Variants in KLHL32 observed in about 807,000 individuals in gnomAD.
KLHL32 encodes the protein kelch-like protein 32.
In KLHL32, 35 loss-of-function variants were observed where a neutral mutation model predicts 64.8. That is an observed-to-expected ratio of 0.54 (90% CI 0.41 to 0.72). KLHL32 has a LOEUF of 0.72. Among genes scored for constraint, KLHL32 ranks in the 30% least tolerant of loss-of-function variants. The probability of loss-of-function intolerance (pLI) is 0.00; values close to 1 mark genes in which losing one functional copy is unlikely to be tolerated. For missense variants in KLHL32, 589 were observed against 768.5 expected (o/e 0.77, Z 2.76); for synonymous variants, 259 against 281.0 (o/e 0.92, Z 0.78).
At chr6:97,050,702 C>G (rs1222080676) in intron 4 of KLHL32, among the ~76,000 whole-genome samples, 1 of 152,054 alleles carries the variant, frequency 6.6e-6, no homozygotes, top group Non-Finnish European at 1.5e-5. Context: ...ACTCAGTCAC[C>G]TAATGAAAAC....
chr6:97,069,035 G>T (rs900063409), intron 5 of KLHL32, among the ~76,000 whole-genome samples: 6 of 151,962 alleles, frequency 3.9e-5, no homozygotes, highest in African/African-American at 1.2e-4. Context: ...AGAAGGGGGG[G>T]GTCTGTTGCA....
chr6:96,909,387 G>C, the KLHL32 span, among the ~76,000 whole-genome samples: 1 of 152,198 alleles, frequency 6.6e-6, no homozygotes, highest in East Asian at 1.9e-4. Flanking sequence ...TTGGGACCCA[G>C]TTTTTAGATT....
At chr6:96,986,707 T>C (rs1777136754) in intron 3 of KLHL32, among the ~76,000 whole-genome samples, 1 of 152,206 alleles carries the variant, frequency 6.6e-6, no homozygotes, top group African/African-American at 2.4e-5. Flanking sequence ...TGCCATTTGC[T>C]AAGACCGTTG....
intron 3 of KLHL32, among the ~76,000 whole-genome samples, chr6:97,023,219 C>CA (rs1782255488): frequency 7.5e-6 from 1 of 133,652 alleles, no homozygotes; most frequent in Non-Finnish European, 1.5e-5. Flanking sequence ...ATTGTAAAGA[C>CA]AAAAAAGCCA....
At chr6:97,009,398 A>G (rs1165338901) in intron 3 of KLHL32, among the ~76,000 whole-genome samples, 1 of 152,162 alleles carries the variant, frequency 6.6e-6, no homozygotes, top group Non-Finnish European at 1.5e-5. Context: ...AATCTTTTAA[A>G]CACATTGGCT....
At chr6:97,062,352 A>G (rs1789046006) in intron 4 of KLHL32, 2 of 152,226 alleles carry the variant, frequency 1.3e-5, no homozygotes, top group Admixed American at 1.3e-4. Context: ...CTTCTGCAAG[A>G]CTATACAACA....
chr6:96,912,707 C>CTAT, the KLHL32 span, among the ~76,000 whole-genome samples: 4 of 151,878 alleles, frequency 2.6e-5, no homozygotes, highest in East Asian at 5.8e-4. Flanking sequence ...TAAGTATTAG[C>CTAT]TATTATTATT....
the KLHL32 span, among the ~76,000 whole-genome samples, chr6:96,903,426 C>T: frequency 1.3e-5 from 2 of 152,146 alleles, no homozygotes; most frequent in African/African-American, 4.8e-5. Flanking sequence ...CTCATGATTA[C>T]TTTACATTAT....
rs1783950212 is a variant in KLHL32 at position 97,034,018 on chromosome 6, A to G, written c.205-7474A>G. Among the ~76,000 whole-genome samples the G allele has an allele frequency of 2.0e-5, 3 of 152,130 alleles. No homozygotes were observed. In the South Asian group the frequency reaches 6.2e-4, roughly 31 times the overall value. On this transcript the variant is annotated intron_variant, in intron 3 of 10. Transcript: ENST00000369261. ...CTGTTGAATGTTTCCTTTGGTATGCATAAGGTTTTAGTTTGATGCAAGCCC... is the reference window on the plus strand; with the variant it reads ...CTGTTGAATGTTTCCTTTGGTATGCGTAAGGTTTTAGTTTGATGCAAGCCC...
At chr6:97,131,079 A>T in intron 9 of KLHL32, 130 bp downstream of exon 9, 1 of 760,116 alleles carries the variant, frequency 1.3e-6, no homozygotes, top group South Asian at 1.8e-5. Context: ...TTTATTAACC[A>T]GAAAGGTGTG....
At chr6:96,950,901 G>A (rs73758072) in intron 1 of KLHL32, among the ~76,000 whole-genome samples, 3,461 of 152,170 alleles carry the variant, frequency 0.023, 141 homozygotes, top group African/African-American at 0.08. Context: ...TGAGATGATA[G>A]TGAGAAAATG....
At chr6:96,934,907 C>T (rs527333799) in intron 1 of KLHL32, among the ~76,000 whole-genome samples, 15 of 152,130 alleles carry the variant, frequency 9.9e-5, no homozygotes, top group Non-Finnish European at 1.9e-4. Context: ...GGATATAGCA[C>T]GATATGAGGA....
chr6:97,056,447 A>G (rs1327770505), intron 4 of KLHL32, among the ~76,000 whole-genome samples: 3 of 151,910 alleles, frequency 2.0e-5, no homozygotes, highest in Non-Finnish European at 4.4e-5. Flanking sequence ...AACACTGCTC[A>G]CTGTGGGCTT....
chr6:97,075,271 G>A (rs994416362), intron 5 of KLHL32, among the ~76,000 whole-genome samples: 2 of 152,068 alleles, frequency 1.3e-5, no homozygotes, highest in Non-Finnish European at 2.9e-5. Flanking sequence ...TAATCAAATT[G>A]TATCATATAC....
At chr6:96,911,656 C>T in the KLHL32 span, among the ~76,000 whole-genome samples, 5 of 152,198 alleles carry the variant, frequency 3.3e-5, no homozygotes, top group African/African-American at 1.2e-4. Context: ...TTGATTTCTA[C>T]CACTTTAAAG....
intron 3 of KLHL32, among the ~76,000 whole-genome samples, chr6:96,993,314 T>C (rs1335441644): frequency 6.6e-6 from 1 of 152,194 alleles, no homozygotes; most frequent in East Asian, 1.9e-4. Context: ...GTGATCTAAG[T>C]TGGCCTTGTT....
intron 6 of KLHL32, among the ~76,000 whole-genome samples, chr6:97,085,557 A>AG (rs1008391392): frequency 3.9e-5 from 6 of 152,236 alleles, no homozygotes; most frequent in African/African-American, 1.4e-4. Context: ...AGGGAATTGC[A>AG]GGGGCAATCC....
At chr6:96,901,505 A>G in the KLHL32 span, among the ~76,000 whole-genome samples, 2 of 152,174 alleles carry the variant, frequency 1.3e-5, no homozygotes, top group African/African-American at 4.8e-5. Context: ...ATAATCCAGG[A>G]TAATCTCTCC....
intron 7 of KLHL32, among the ~76,000 whole-genome samples, chr6:97,125,000 T>C (rs2128218642): frequency 6.6e-6 from 1 of 152,342 alleles, no homozygotes; most frequent in South Asian, 2.1e-4. Context: ...TCCTTTCCTC[T>C]GATTTCATTT....
Sources: allele counts gnomAD v4.1 joint callset (sites outside exome capture counted in the v4.1 genomes callset), GRCh38; gene constraint gnomAD v4.1.1; transcripts MANE v1.5; gene names NCBI Gene and HGNC (gene_info 2026-07-23, HGNC 2026-07-21).